ITSN1: variants seen among roughly 807,000 people sequenced by gnomAD.
ITSN1 encodes intersectin 1.
In ITSN1, 58 loss-of-function variants were observed where a neutral mutation model predicts 239.8. That is an observed-to-expected ratio of 0.24 (90% CI 0.20 to 0.30). The LOEUF (loss-of-function observed/expected upper bound fraction) is 0.30. Ranked by LOEUF, ITSN1 falls within the 10% of genes least tolerant of loss-of-function variation. The pLI, the probability that ITSN1 is intolerant of heterozygous loss-of-function variation, is 1.00. For synonymous variants in ITSN1, 780 were observed against 770.8 expected, an observed-to-expected ratio of 1.01 and a Z score of -0.20; for missense variants, 1,558 against 2,103.3, an observed-to-expected ratio of 0.74 and a Z score of 5.07.
chr21:33,651,136 T>C (rs2088492294), intron 1 of ITSN1, among the ~76,000 whole-genome samples: 2 of 152,226 alleles, frequency 1.3e-5, no homozygotes, highest in African/African-American at 4.8e-5. Context: ...TTTGAGGTCC[T>C]TCAAGCCTGG....
At chr21:33,671,822 C>G (rs1428544052) in intron 1 of ITSN1, among the ~76,000 whole-genome samples, 1 of 152,060 alleles carries the variant, frequency 6.6e-6, no homozygotes, top group East Asian at 1.9e-4. Flanking sequence ...AAATAACTTA[C>G]AATAATAATT....
chr21:33,778,566 A>ATT (rs2069839923), intron 14 of ITSN1, among the ~76,000 whole-genome samples: 1 of 115,130 alleles, frequency 8.7e-6, no homozygotes, highest in African/African-American at 3.6e-5. Context: ...TGTTTATAAT[A>ATT]TTCTCTTTTT....
At chr21:33,829,770 C>A (rs1292474937) in intron 27 of ITSN1, 25 bp downstream of exon 27, 1 of 1,612,728 alleles carries the variant, frequency 6.2e-7, no homozygotes, top group Non-Finnish European at 8.5e-7. Flanking sequence ...TGTTTATTTA[C>A]AATTCTCCAT....
chr21:33,709,616 A>G (rs971253713), intron 1 of ITSN1, among the ~76,000 whole-genome samples: 3 of 152,198 alleles, frequency 2.0e-5, no homozygotes, highest in Non-Finnish European at 2.9e-5. Flanking sequence ...GAAATTTTAC[A>G]TATTTTGATG....
At chr21:33,761,032 T>A (rs2068277686) in intron 8 of ITSN1, among the ~76,000 whole-genome samples, 2 of 151,718 alleles carry the variant, frequency 1.3e-5, no homozygotes, top group Admixed American at 6.6e-5. Flanking sequence ...TTCCAGGAAT[T>A]CTTCTTTTTT....
intron 29 of ITSN1, chr21:33,837,952 C>T: frequency 1.0e-6 from 1 of 985,686 alleles, no homozygotes; most frequent in Non-Finnish European, 1.2e-6. Context: ...ATTCCAGTTA[C>T]TTTTCATGGA....
intron 8 of ITSN1, among the ~76,000 whole-genome samples, chr21:33,758,532 A>G (rs376476892): frequency 5.1e-5 from 7 of 137,346 alleles, no homozygotes; most frequent in East Asian, 5.1e-4. Context: ...CCCTTAAAAG[A>G]GACTGCCTTA....
Position 33,898,802 on chromosome 21 carries a change from C to G in ITSN1, c.*10502C>G, listed in dbSNP as rs1986932564. 6.6e-6 allele frequency: 1 copy of G among 152,186 alleles called. No homozygotes were observed. The highest frequency in any genetic ancestry group is 2.1e-4 in the South Asian group (1 of 4,824). 9.4% of individuals were successfully genotyped at this position (152,186 alleles called of 1,614,324 possible). On this transcript the variant is annotated 3_prime_UTR_variant, in exon 40 of 40. Transcript: ENST00000381318. ...TAATGCTGTCAACCAGCAACTGGAG[C>G]CCCTTTTTTGAGAGGCCCGAACCAG...
intron 1 of ITSN1, among the ~76,000 whole-genome samples, chr21:33,689,945 G>A (rs1185148246): frequency 1.3e-5 from 2 of 149,686 alleles, no homozygotes; most frequent in African/African-American, 4.9e-5. Flanking sequence ...TCCAGCATGG[G>A]CGACAGACCA....
intron 18 of ITSN1, among the ~76,000 whole-genome samples, chr21:33,798,427 G>T (rs781148453): frequency 6.6e-6 from 1 of 151,902 alleles, no homozygotes; most frequent in African/African-American, 2.4e-5. Context: ...TTAAAAAAGG[G>T]ATAAATGAAA....
chr21:33,886,597 A>T (rs1985838631), intron 39 of ITSN1, 137 bp downstream of exon 39: 1 of 753,086 alleles, frequency 1.3e-6, no homozygotes, highest in Non-Finnish European at 2.1e-6. Flanking sequence ...CTGGCACAAG[A>T]CGAGGCTCTG....
At chr21:33,781,320 C>A in intron 14 of ITSN1, 141 bp from the exon 15 acceptor site, 1 of 612,778 alleles carries the variant, frequency 1.6e-6, no homozygotes, top group Non-Finnish European at 2.9e-6. Flanking sequence ...AGGAGCCACA[C>A]CTAATTAATA....
intron 31 of ITSN1, among the ~76,000 whole-genome samples, chr21:33,860,100 A>T (rs1047804467): frequency 9.2e-5 from 14 of 152,124 alleles, no homozygotes; most frequent in Non-Finnish European, 2.9e-5. Flanking sequence ...TGAGGTCAGG[A>T]GTTTGAGACC....
At chr21:33,654,816 G>A (rs2088893209) in intron 1 of ITSN1, among the ~76,000 whole-genome samples, 1 of 152,184 alleles carries the variant, frequency 6.6e-6, no homozygotes, top group African/African-American at 2.4e-5. Context: ...CTAAAGAGAA[G>A]CAGAGAGAAC....
chr21:33,730,271 C>T (rs1215865413), intron 4 of ITSN1, among the ~76,000 whole-genome samples: 1 of 150,634 alleles, frequency 6.6e-6, no homozygotes, highest in Non-Finnish European at 1.5e-5. Context: ...TGTTATCCTT[C>T]ATTTATTTTT....
At chr21:33,675,255 C>T (rs1466958937) in intron 1 of ITSN1, among the ~76,000 whole-genome samples, 60 of 152,136 alleles carry the variant, frequency 3.9e-4, no homozygotes, top group Non-Finnish European at 5.9e-5. Flanking sequence ...ATTTGTAGGT[C>T]AAAGAGCATG....
rs895567908 is a variant in ITSN1 at position 33,797,722 on chromosome 21, G to A, written c.2182+114G>A. ...CTTGGCTACATTAACAGATGAGAAC[G>A]TCAGTCTCTTATTTTGAGCATGGCC... On this transcript the variant is annotated intron_variant, in intron 18 of 39. Transcript: ENST00000381318. This position sits in a 1 kb window ranked among gnomAD's most constrained non-coding sequence, Gnocchi z 4.9. 1.6e-5 allele frequency: 12 copies of A among 745,760 alleles called. No homozygotes were observed. Among genetic ancestry groups the A allele is most frequent in the African/African-American group, 5.3e-5 (3 of 56,304 alleles). 46.2% of individuals were successfully genotyped at this position (745,760 alleles called of 1,614,324 possible). A position where few individuals can be genotyped will look rare whatever the true frequency, so the allele number is the denominator to read the frequency against.
chr21:33,800,355 CAT>C (rs772593051), intron 19 of ITSN1, among the ~76,000 whole-genome samples: 26 of 151,652 alleles, frequency 1.7e-4, no homozygotes, highest in Non-Finnish European at 2.6e-4. Context: ...TATATGTACA[CAT>C]ATATATACAC....
rs1196823885 is a variant in ITSN1 at position 33,891,821 on chromosome 21, A to C, written c.*3521A>C. 1 of 152,206 alleles carries C rather than the reference A, an allele frequency of 6.6e-6. No homozygotes were observed. Among genetic ancestry groups the C allele is most frequent in the East Asian group, 1.9e-4 (1 of 5,208 alleles). 9.4% of individuals were successfully genotyped at this position (152,206 alleles called of 1,614,324 possible). On this transcript the variant is annotated 3_prime_UTR_variant, in exon 40 of 40. Coordinates refer to ENST00000381318, the MANE Select transcript of ITSN1 (RefSeq NM_003024.3). ...CAGTACCTTGTATAAGCAGAAAAAG[A>C]CTTCTCTATCTCCACTCCAAGTCGT...
Sources: allele counts gnomAD v4.1 joint callset (sites outside exome capture counted in the v4.1 genomes callset), GRCh38; gene constraint gnomAD v4.1.1; non-coding constraint Gnocchi (gnomAD v3.1); transcripts MANE v1.5; gene names NCBI Gene and HGNC (gene_info 2026-07-23, HGNC 2026-07-21).